Variants in GRIN2A observed in about 807,000 individuals in gnomAD.
The protein encoded by GRIN2A is glutamate ionotropic receptor NMDA type subunit 2A.
A neutral mutation model predicts 113.4 loss-of-function variants in GRIN2A; 22 were observed. That is an observed-to-expected ratio of 0.19 (90% CI 0.14 to 0.28). The LOEUF is 0.28. GRIN2A is among the 10% of genes least tolerant of loss of function. The probability of loss-of-function intolerance (pLI) is 1.00; values close to 1 mark genes in which losing one functional copy is unlikely to be tolerated. For missense variants in GRIN2A, 1,502 were observed against 1,887.0 expected, an observed-to-expected ratio of 0.80 and a Z score of 3.78; for synonymous variants, 827 against 738.4, an observed-to-expected ratio of 1.12 and a Z score of -1.94.
At chr16:10,147,167 G>A (rs1462489024) in intron 2 of GRIN2A, among the ~76,000 whole-genome samples, 1 of 151,994 alleles carries the variant, frequency 6.6e-6, no homozygotes, top group African/African-American at 2.4e-5. Flanking sequence ...AAAGACCAGG[G>A]AGAACAAGAA....
intron 2 of GRIN2A, among the ~76,000 whole-genome samples, chr16:9,948,074 C>T (rs1044019079): frequency 6.6e-6 from 1 of 152,180 alleles, no homozygotes; most frequent in Non-Finnish European, 1.5e-5. Flanking sequence ...GAGCTCTTAT[C>T]GCGTGCCAAG....
chr16:9,910,988 C>T (rs1179201828), intron 3 of GRIN2A, among the ~76,000 whole-genome samples: 3 of 151,802 alleles, frequency 2.0e-5, no homozygotes, highest in African/African-American at 7.3e-5. Context: ...TGTATAGATA[C>T]ACATTTTAGA....
intron 10 of GRIN2A, among the ~76,000 whole-genome samples, chr16:9,799,626 T>A (rs1190749331): frequency 2.0e-5 from 3 of 152,220 alleles, no homozygotes; most frequent in Admixed American, 2.0e-4. Flanking sequence ...AACAGATGGG[T>A]CCACGGGCTG....
intron 2 of GRIN2A, among the ~76,000 whole-genome samples, chr16:10,035,974 T>C (rs1199527134): frequency 6.6e-6 from 1 of 152,214 alleles, no homozygotes; most frequent in Non-Finnish European, 1.5e-5. Context: ...TCCGCCTGCC[T>C]GGGCCTCCCA....
intron 2 of GRIN2A, among the ~76,000 whole-genome samples, chr16:10,116,956 T>G (rs1270425484): frequency 1.3e-5 from 2 of 151,960 alleles, no homozygotes; most frequent in Non-Finnish European, 2.9e-5. Context: ...ATCACTGTGT[T>G]GGGAACTGTC....
intron 2 of GRIN2A, among the ~76,000 whole-genome samples, chr16:10,041,129 C>G (rs1258082579): frequency 1.3e-5 from 2 of 152,212 alleles, no homozygotes; most frequent in East Asian, 3.8e-4. Context: ...AATCTTATCA[C>G]CTTTATCATA....
intron 2 of GRIN2A, among the ~76,000 whole-genome samples, chr16:10,120,118 T>C (rs985292480): frequency 1.3e-5 from 2 of 152,210 alleles, no homozygotes; most frequent in African/African-American, 2.4e-5. Flanking sequence ...GCTGGGTTGA[T>C]TGATAATTCT....
chr16:10,147,474 AAAAAAT>A, intron 2 of GRIN2A, among the ~76,000 whole-genome samples: 1 of 149,190 alleles, frequency 6.7e-6, no homozygotes, highest in Non-Finnish European at 1.5e-5. Flanking sequence ...AAAAAAAAAA[AAAAAAT>A]AGCCAGGCAT....
At chr16:9,993,386 CA>C (rs2046162663) in intron 2 of GRIN2A, among the ~76,000 whole-genome samples, 1 of 151,802 alleles carries the variant, frequency 6.6e-6, no homozygotes, top group South Asian at 2.1e-4. Context: ...CCCATCTCTA[CA>C]AAAAAATTTT....
At chr16:10,148,442 T>A (rs1172006119) in intron 2 of GRIN2A, among the ~76,000 whole-genome samples, 1 of 152,202 alleles carries the variant, frequency 6.6e-6, no homozygotes, top group Non-Finnish European at 1.5e-5. Context: ...GAGCATTCTG[T>A]GACCTTAAAT....
intron 10 of GRIN2A, among the ~76,000 whole-genome samples, chr16:9,817,496 A>C (rs926277587): frequency 2.6e-5 from 4 of 152,230 alleles, no homozygotes; most frequent in Non-Finnish European, 5.9e-5. Flanking sequence ...CAAAACTGAC[A>C]GTTGTTTGCA....
At chr16:10,141,204 A>T (rs1327334391) in intron 2 of GRIN2A, among the ~76,000 whole-genome samples, 2 of 152,176 alleles carry the variant, frequency 1.3e-5, no homozygotes, top group South Asian at 2.1e-4. Context: ...AAAAAATAAA[A>T]AATAGGCCAG....
intron 2 of GRIN2A, among the ~76,000 whole-genome samples, chr16:10,004,290 G>A (rs894624240): frequency 1.3e-5 from 2 of 151,930 alleles, no homozygotes; most frequent in Non-Finnish European, 2.9e-5. Flanking sequence ...TCAGGAGGCT[G>A]AGGCAGGAGA....
intron 3 of GRIN2A, among the ~76,000 whole-genome samples, chr16:9,913,820 C>T (rs2044190261): frequency 1.3e-5 from 2 of 152,138 alleles, no homozygotes; most frequent in African/African-American, 4.8e-5. Flanking sequence ...ACTCAATCCT[C>T]AAGGCTCTGA....
rs543297637 is a variant in GRIN2A at position 10,112,467 on chromosome 16, G to A, written c.414+67531C>T. The A allele has an allele frequency of 6.4e-5, 55 of 858,686 alleles. No individual in the cohort carries two copies. In the East Asian group the frequency reaches 6.6e-4, roughly 10 times the overall value. 53.2% of individuals were successfully genotyped at this position (858,686 alleles called of 1,614,324 possible). ...GCACTTTGGTGTGTCCATCATAGCC[G>A]ATGTGGCATCCAGACCGTGGGGCAC... On this transcript the variant is annotated intron_variant, in intron 2 of 12. Coordinates refer to ENST00000330684, the MANE Select transcript of GRIN2A (RefSeq NM_001134407.3).
chr16:9,830,109 G>A (rs1450686652), intron 8 of GRIN2A, among the ~76,000 whole-genome samples: 2 of 152,170 alleles, frequency 1.3e-5, no homozygotes, highest in Non-Finnish European at 2.9e-5. Flanking sequence ...ATTCTAATCC[G>A]ATTGTCCCTA....
rs142473441 is a variant in GRIN2A, at chr16:9,930,673, G to T, written c.1007+7286C>A. ...GAGTTAATCACATTCACCTAGGGAA[G>T]TTTTAACTCTGGTCAAGCTCAGAGA... is the stretch of plus-strand genomic sequence containing the variant. On this transcript the variant is annotated intron_variant, in intron 3 of 12. Transcript: ENST00000330684. Among the ~76,000 whole-genome samples, 163 of 152,314 alleles carry T rather than the reference G, an allele frequency of 1.1e-3. 1 individual carries two copies. The highest frequency in any genetic ancestry group is 1.0e-3 in the Non-Finnish European group (71 of 68,034).
intron 8 of GRIN2A, among the ~76,000 whole-genome samples, chr16:9,831,393 C>T (rs1271813327): frequency 6.6e-6 from 1 of 152,104 alleles, no homozygotes; most frequent in African/African-American, 2.4e-5. Context: ...TAACTGCCCT[C>T]CCCGTCCCCG....
chr16:10,102,363 C>T (rs1388745090), intron 2 of GRIN2A, among the ~76,000 whole-genome samples: 4 of 152,058 alleles, frequency 2.6e-5, no homozygotes, highest in South Asian at 2.1e-4. Flanking sequence ...TTTCACCATG[C>T]GATATGCTAC....
Sources: gnomAD v4.1 joint callset for allele counts (sites outside exome capture counted in the v4.1 genomes callset) on GRCh38, gnomAD v4.1.1 for gene constraint, MANE v1.5 for transcripts, NCBI Gene and HGNC (gene_info 2026-07-23, HGNC 2026-07-21) for gene names.